TAS2R1: variants seen among roughly 807,000 people sequenced by gnomAD.
TAS2R1 encodes taste 2 receptor member 1.
For synonymous variants in TAS2R1, 141 were observed against 134.2 expected (o/e 1.05, Z -0.35); for missense variants, 370 against 353.4 (o/e 1.05, Z -0.38).
chr5:9,646,545 C>T (rs537323719), intron 2 of TAS2R1, among the ~76,000 whole-genome samples: 1 of 152,256 alleles, frequency 6.6e-6, no homozygotes. Context: ...TCTCTTTTGT[C>T]GTAGGAGTCA....
chr5:9,896,487 C>T, the TAS2R1 span, among the ~76,000 whole-genome samples: 1 of 152,110 alleles, frequency 6.6e-6, no homozygotes, highest in South Asian at 2.1e-4. Context: ...CTCTGCGAGC[C>T]TTGTCTCTGT....
rs1163629349 is a variant in TAS2R1, at chr5:9,692,042, G to A, written c.-242+20130C>T. ...GCTGTCCTCTCATCCCCATGAAGAGGAGCCATGGGCTTGGCCTTGTCTCTG... is the reference window on the plus strand; with the variant it reads ...GCTGTCCTCTCATCCCCATGAAGAGAAGCCATGGGCTTGGCCTTGTCTCTG... On this transcript the variant is annotated intron_variant, in intron 1 of 2. Transcript: ENST00000506620. Among the ~76,000 whole-genome samples the A allele has an allele frequency of 3.9e-5, 6 of 152,252 alleles. No individual in the cohort carries two copies. In the South Asian group the frequency reaches 6.2e-4, roughly 16 times the overall value.
chr5:9,894,227 AC>A, the TAS2R1 span, among the ~76,000 whole-genome samples: 1 of 151,754 alleles, frequency 6.6e-6, no homozygotes, highest in African/African-American at 2.4e-5. Context: ...ACATGACGAA[AC>A]CCCGTCTCTA....
chr5:9,767,403 A>G, the TAS2R1 span, among the ~76,000 whole-genome samples: 14 of 152,140 alleles, frequency 9.2e-5, no homozygotes, highest in South Asian at 2.1e-4. Context: ...CACATTGCCA[A>G]CTGTTGGATC....
the TAS2R1 span, among the ~76,000 whole-genome samples, chr5:9,846,093 G>A: frequency 6.6e-6 from 1 of 152,208 alleles, no homozygotes; most frequent in African/African-American, 2.4e-5. Flanking sequence ...GTAGAAAAAG[G>A]TGTGTAACAC....
At chr5:9,765,264 C>T in the TAS2R1 span, among the ~76,000 whole-genome samples, 388 of 152,164 alleles carry the variant, frequency 2.5e-3, no homozygotes, top group Non-Finnish European at 3.8e-3. Flanking sequence ...AGGCTTAGAA[C>T]AACATTGAAC....
At chr5:9,851,189 T>C in the TAS2R1 span, among the ~76,000 whole-genome samples, 1 of 152,124 alleles carries the variant, frequency 6.6e-6, no homozygotes, top group Non-Finnish European at 1.5e-5. Context: ...ACCATGTTTA[T>C]AGAGAGAATG....
chr5:9,771,580 G>T, the TAS2R1 span, among the ~76,000 whole-genome samples: 1 of 152,104 alleles, frequency 6.6e-6, no homozygotes, highest in East Asian at 1.9e-4. Context: ...AATAGTCTGA[G>T]TAGTATTGGT....
chr5:9,691,102 ATG>A (rs1741241873), intron 1 of TAS2R1, among the ~76,000 whole-genome samples: 1 of 152,188 alleles, frequency 6.6e-6, no homozygotes, highest in Non-Finnish European at 1.5e-5. Context: ...TTACTTGCAG[ATG>A]TAATTAAGTT....
At chr5:9,672,502 A>T (rs925336793) in intron 1 of TAS2R1, among the ~76,000 whole-genome samples, 3 of 152,212 alleles carry the variant, frequency 2.0e-5, no homozygotes, top group African/African-American at 7.2e-5. Flanking sequence ...AAGAGAAGAC[A>T]TACACACAAT....
chr5:9,651,108 A>G (rs550662768), intron 2 of TAS2R1, among the ~76,000 whole-genome samples: 15 of 152,120 alleles, frequency 9.9e-5, no homozygotes, highest in African/African-American at 3.6e-4. Flanking sequence ...AAAGTTTCAA[A>G]AGACTGTGCT....
chr5:9,648,172 A>G (rs773672052), intron 2 of TAS2R1, among the ~76,000 whole-genome samples: 7 of 152,154 alleles, frequency 4.6e-5, no homozygotes, highest in African/African-American at 7.2e-5. Context: ...GAATACTTCA[A>G]CATGCAAGAG....
the TAS2R1 span, among the ~76,000 whole-genome samples, chr5:9,825,725 T>C: frequency 1.3e-5 from 2 of 152,248 alleles, no homozygotes; most frequent in African/African-American, 4.8e-5. Context: ...TAAAGACACA[T>C]GTATTTCCAC....
At chr5:9,749,075 C>A in the TAS2R1 span, among the ~76,000 whole-genome samples, 1 of 152,174 alleles carries the variant, frequency 6.6e-6, no homozygotes, top group African/African-American at 2.4e-5. Context: ...CCCCTTCTAT[C>A]CATTTTCCAG....
intron 1 of TAS2R1, among the ~76,000 whole-genome samples, chr5:9,676,740 G>GA (rs1303551690): frequency 6.6e-6 from 1 of 152,020 alleles, no homozygotes; most frequent in Non-Finnish European, 1.5e-5. Context: ...ATCCATAAGA[G>GA]AAAAATTTGA....
intron 1 of TAS2R1, among the ~76,000 whole-genome samples, chr5:9,705,394 AT>A (rs199827908): frequency 0.017 from 2,641 of 152,326 alleles, 34 homozygotes; most frequent in Middle Eastern, 0.034. Flanking sequence ...AAGCTATTTA[AT>A]GAAAAGAAGT....
At chr5:9,769,452 T>C in the TAS2R1 span, among the ~76,000 whole-genome samples, 417 of 152,308 alleles carry the variant, frequency 2.7e-3, no homozygotes, top group Non-Finnish European at 5.0e-3. Context: ...CTGGATTATA[T>C]AAAGGTTCTA....
chr5:9,768,212 G>A, the TAS2R1 span, among the ~76,000 whole-genome samples: 1 of 152,274 alleles, frequency 6.6e-6, no homozygotes, highest in Admixed American at 6.5e-5. Context: ...TCTGCACATG[G>A]CTGGCATCTT....
At chr5:9,834,753 TA>T in the TAS2R1 span, among the ~76,000 whole-genome samples, 9,008 of 145,422 alleles carry the variant, frequency 0.062, 617 homozygotes, top group East Asian at 0.23. Flanking sequence ...ATTACTGCAT[TA>T]AAAAAAAAAA....
Sources: gnomAD v4.1 joint callset for allele counts (sites outside exome capture counted in the v4.1 genomes callset) on GRCh38, gnomAD v4.1.1 for gene constraint, MANE v1.5 for transcripts, NCBI Gene and HGNC (gene_info 2026-07-23, HGNC 2026-07-21) for gene names.